The following SLAIN1 variants were observed in gnomAD, a reference collection of about 807,000 sequenced individuals.
SLAIN1 encodes SLAIN motif-containing protein 1.
In SLAIN1, 17 loss-of-function variants were observed where a neutral mutation model predicts 55.4. That is an observed-to-expected ratio of 0.31 (90% CI 0.21 to 0.46). The LOEUF (loss-of-function observed/expected upper bound fraction) is 0.46. SLAIN1 is among the 20% of genes least tolerant of loss of function. SLAIN1 has a pLI of 1.00. For synonymous variants in SLAIN1, 348 were observed against 337.4 expected (o/e 1.03, Z -0.35); for missense variants, 682 against 785.1 (o/e 0.87, Z 1.57).
At position 77,698,056 on chromosome 13, in the gene SLAIN1, G is replaced by A. The variant is rs2090991138; in HGVS notation, c.143G>A (p.Ser48Asn). 1.5e-6 allele frequency: 2 copies of A among 1,369,578 alleles called. No homozygotes were observed. Among genetic ancestry groups the A allele is most frequent in the Non-Finnish European group, 1.9e-6 (2 of 1,044,438 alleles). The allele number at this position is 1,369,578 out of a possible 1,614,324, so 84.8% of individuals were successfully genotyped here. A position where few individuals can be genotyped will look rare whatever the true frequency, so the allele number is the denominator to read the frequency against. Residue 48 changes from serine to asparagine, a missense_variant, in exon 1 of 7, where the codon AGT (serine) becomes AAT (asparagine). Ser to Asn is a conservative substitution (Grantham distance 46). Coordinates refer to ENST00000418532, the MANE Select transcript of SLAIN1 (RefSeq NM_001242868.2). This position sits in a 1 kb window ranked among gnomAD's most constrained non-coding sequence, Gnocchi z 4.1. Reference sequence around the variant, plus strand: ...GAGAAGCAGAACGAGCAGCTGCGGAGTCGAGCGGCCAGCGCGGCCGCCGCC... The same window carrying A: ...GAGAAGCAGAACGAGCAGCTGCGGAATCGAGCGGCCAGCGCGGCCGCCGCC... ...KLEKQNEQLR[S>N]RAASAAAAPH...
chr13:77,709,721 T>G (rs1482344668), intron 1 of SLAIN1, among the ~76,000 whole-genome samples: 1 of 152,140 alleles, frequency 6.6e-6, no homozygotes, highest in African/African-American at 2.4e-5. Context: ...TTTTGTCACC[T>G]CCAGTCCTGC....
At chr13:77,701,567 A>G (rs2091031056) in intron 1 of SLAIN1, among the ~76,000 whole-genome samples, 1 of 152,102 alleles carries the variant, frequency 6.6e-6, no homozygotes, top group Admixed American at 6.5e-5. Flanking sequence ...CTCCCTTTTG[A>G]CAAAAAAGCT....
chr13:77,698,470 T>C lies in SLAIN1; in HGVS notation c.557T>C (p.Leu186Pro). ...GCGCCGCCCTCGCCGCCCCCCACGC[T>C]GCTGGACGAGGTGGAATTGCTGGAT... ...AAAPPSPPPT[L>P]LDEVELLDLE... is the part of the protein sequence containing the mutation. The change falls in exon 1 of 7, where the codon CTG becomes CCG. Residue 186 changes from leucine (L) to proline (P), a missense_variant. This residue lies in a region of SLAIN1 where 401 missense variants were observed against 417.3 expected (regional missense o/e 0.96). Transcript: ENST00000418532. This position sits in a 1 kb window ranked among gnomAD's most constrained non-coding sequence, Gnocchi z 4.1. 6.9e-7 allele frequency: 1 copy of C among 1,455,108 alleles called. No individual in the cohort carries two copies. Among genetic ancestry groups the C allele is most frequent in the Non-Finnish European group, 9.0e-7 (1 of 1,109,476 alleles). The allele number at this position is 1,455,108 out of a possible 1,614,324, so 90.1% of individuals were successfully genotyped here.
intron 2 of SLAIN1, among the ~76,000 whole-genome samples, chr13:77,737,264 C>G (rs909352629): frequency 6.6e-6 from 1 of 151,942 alleles, no homozygotes; most frequent in African/African-American, 2.4e-5. Context: ...CTATTCTCAC[C>G]AAATTTTCTG....
At chr13:77,760,780 C>A in intron 5 of SLAIN1, 48 bp from the exon 6 acceptor site, 1 of 1,588,106 alleles carries the variant, frequency 6.3e-7, no homozygotes, top group South Asian at 1.1e-5. Context: ...TTTCCTAAGT[C>A]GGATAGTGGT....
chr13:77,708,994 T>C (rs1173419627), intron 1 of SLAIN1, among the ~76,000 whole-genome samples: 1 of 151,804 alleles, frequency 6.6e-6, no homozygotes, highest in Non-Finnish European at 1.5e-5. Context: ...TCTAATACAA[T>C]GCAAGGAAGC....
At chr13:77,749,064 A>G (rs867627246) in intron 4 of SLAIN1, among the ~76,000 whole-genome samples, 12 of 152,298 alleles carry the variant, frequency 7.9e-5, no homozygotes, top group Middle Eastern at 3.4e-3. Flanking sequence ...ATTTGTTACT[A>G]TAGAATATTG....
intron 1 of SLAIN1, among the ~76,000 whole-genome samples, chr13:77,716,498 TACTC>T (rs943452168): frequency 1.8e-4 from 27 of 152,146 alleles, no homozygotes; most frequent in African/African-American, 5.1e-4. Context: ...TTAGTTTTCT[TACTC>T]ACGAAAATGG....
At chr13:77,734,035 G>A (rs1326013339) in intron 2 of SLAIN1, among the ~76,000 whole-genome samples, 2 of 152,126 alleles carry the variant, frequency 1.3e-5, no homozygotes, top group African/African-American at 4.8e-5. Flanking sequence ...CTTCACCTTG[G>A]TTTTTGAATT....
chr13:77,720,700 AGAAT>A (rs538620814), intron 2 of SLAIN1, among the ~76,000 whole-genome samples: 6 of 152,334 alleles, frequency 3.9e-5, no homozygotes, highest in Admixed American at 3.9e-4. Flanking sequence ...GTTACAAGGC[AGAAT>A]GATACTCAGG....
At chr13:77,729,277 G>GTT (rs202198395) in intron 2 of SLAIN1, among the ~76,000 whole-genome samples, 1 of 150,490 alleles carries the variant, frequency 6.6e-6, no homozygotes, top group Non-Finnish European at 1.5e-5. Context: ...GTTTCCATGT[G>GTT]TTTTTTTTTC....
chr13:77,760,797 T>A lies in SLAIN1; in HGVS notation c.1415-31T>A, dbSNP rs1217223743. On this transcript the variant is annotated intron_variant, in intron 5 of 6. Transcript: ENST00000418532. ...TCCTAAGTCGGATAGTGGTAGAAGGTTGCTCACATGAATATCATTTTCTCT... is the reference window on the plus strand; with the variant it reads ...TCCTAAGTCGGATAGTGGTAGAAGGATGCTCACATGAATATCATTTTCTCT... 2.5e-6 allele frequency: 4 copies of A among 1,606,340 alleles called. No individual in the cohort carries two copies. In the African/African-American group the frequency reaches 4.0e-5, roughly 16 times the overall value.
intron 2 of SLAIN1, among the ~76,000 whole-genome samples, chr13:77,737,254 C>T (rs1226562226): frequency 6.6e-6 from 1 of 151,982 alleles, no homozygotes. Context: ...CTCATTGAAC[C>T]TATTCTCACC....
intron 2 of SLAIN1, chr13:77,743,061 TTCCTTATAG>T (rs776709212): frequency 5.3e-5 from 69 of 1,300,606 alleles, no homozygotes; most frequent in Non-Finnish European, 6.6e-5. Context: ...TCACTGGCTT[TTCCTTATAG>T]TCCTGTTGCA....
intron 2 of SLAIN1, among the ~76,000 whole-genome samples, chr13:77,722,873 A>T (rs1485475322): frequency 2.6e-5 from 4 of 152,202 alleles, no homozygotes; most frequent in East Asian, 1.9e-4. Context: ...CAGCCTCCTG[A>T]GTAGCTGGGA....
intron 2 of SLAIN1, among the ~76,000 whole-genome samples, chr13:77,740,692 A>G (rs961438968): frequency 1.3e-5 from 2 of 152,016 alleles, no homozygotes; most frequent in African/African-American, 4.8e-5. Flanking sequence ...ATCATTTCAC[A>G]TCATTTTATA....
At chr13:77,758,210 T>C (rs1445225929) in intron 5 of SLAIN1, among the ~76,000 whole-genome samples, 1 of 152,156 alleles carries the variant, frequency 6.6e-6, no homozygotes. Context: ...CATTTGTCTG[T>C]TGGCTGTGTA....
intron 2 of SLAIN1, among the ~76,000 whole-genome samples, chr13:77,737,491 AG>A (rs1471843425): frequency 6.6e-6 from 1 of 152,118 alleles, no homozygotes; most frequent in Non-Finnish European, 1.5e-5. Context: ...TAATGTGTAT[AG>A]ATATGAGACA....
At chr13:77,755,341 A>G (rs572105350) in intron 5 of SLAIN1, among the ~76,000 whole-genome samples, 1 of 151,742 alleles carries the variant, frequency 6.6e-6, no homozygotes, top group Non-Finnish European at 1.5e-5. Context: ...AAAAAAAAAA[A>G]TCAATAGTGT....
Sources: allele counts gnomAD v4.1 joint callset (sites outside exome capture counted in the v4.1 genomes callset), GRCh38; gene constraint gnomAD v4.1.1; regional missense constraint gnomAD v4.1.1; non-coding constraint Gnocchi (gnomAD v3.1); transcripts MANE v1.5; gene names NCBI Gene and HGNC (gene_info 2026-07-23, HGNC 2026-07-21).